The following CNTN3 variants were observed in gnomAD, a reference collection of about 807,000 sequenced individuals.
The protein encoded by CNTN3 is contactin-3.
CNTN3 carries 60 observed loss-of-function variants against 119.1 expected under a neutral mutation model. The ratio of observed to expected loss-of-function variants is 0.50; its 90% CI spans 0.41 to 0.62. The LOEUF is 0.62. Among genes scored for constraint, CNTN3 ranks in the 20% least tolerant of loss-of-function variants. The probability of loss-of-function intolerance (pLI) is 0.00; values close to 1 mark genes in which losing one functional copy is unlikely to be tolerated. For missense variants in CNTN3, 1,101 were observed against 1,242.4 expected, an observed-to-expected ratio of 0.89 and a Z score of 1.71; for synonymous variants, 450 against 438.7, an observed-to-expected ratio of 1.03 and a Z score of -0.32.
chr3:74,272,086 G>C (rs1377270826), intron 20 of CNTN3, among the ~76,000 whole-genome samples: 1 of 152,180 alleles, frequency 6.6e-6, no homozygotes, highest in Non-Finnish European at 1.5e-5. Flanking sequence ...GTCTAGAGCA[G>C]GGGTGTCCAA....
At chr3:74,290,645 G>A (rs535823862) in intron 19 of CNTN3, among the ~76,000 whole-genome samples, 1 of 152,316 alleles carries the variant, frequency 6.6e-6, no homozygotes, top group South Asian at 2.1e-4. Context: ...CATGGTGAGT[G>A]TGCATGTCAG....
intron 20 of CNTN3, among the ~76,000 whole-genome samples, chr3:74,274,982 T>G (rs1416776359): frequency 1.3e-5 from 2 of 152,112 alleles, no homozygotes. Flanking sequence ...CCAGAAACAC[T>G]GGACACATAT....
chr3:74,303,462 GTGGGTAGATCAT>G lies in CNTN3; in HGVS notation c.1669-667_1669-656del, dbSNP rs568192077. Among the ~76,000 whole-genome samples, 409 of 152,264 alleles carry G rather than the reference GTGGGTAGATCAT, an allele frequency of 2.7e-3. 3 individuals carry two copies. The highest frequency in any genetic ancestry group is 9.3e-3 in the African/African-American group (388 of 41,564). On this transcript the variant is annotated intron_variant, in intron 13 of 22. Coordinates refer to ENST00000263665, the MANE Select transcript of CNTN3 (RefSeq NM_020872.3). ...AATCCCAGCATTTTGGGAGGCTGAG[GTGGGTAGATCAT>G]TTGAGGTCAGGAGTTTGAGACCAGC...
At position 74,517,562 on chromosome 3, in the gene CNTN3, T is replaced by C. The variant is rs545247557; in HGVS notation, c.55+3496A>G. 4.7e-4 allele frequency among the ~76,000 whole-genome samples: 71 copies of C among 151,884 alleles called. 1 individual carries two copies. In the South Asian group the frequency reaches 7.9e-3, roughly 17 times the overall value. ...TATTACGGACCTCAATGTATTTTCT[T>C]CCCCCCTTAAAGCCCTACATTCCAG... On this transcript the variant is annotated intron_variant, in intron 2 of 22. Coordinates refer to ENST00000263665, the MANE Select transcript of CNTN3 (RefSeq NM_020872.3).
chr3:74,564,033 C>A (rs1279674320), intron 1 of CNTN3, among the ~76,000 whole-genome samples: 1 of 152,068 alleles, frequency 6.6e-6, no homozygotes, highest in Non-Finnish European at 1.5e-5. Context: ...TCCCTGCTCG[C>A]TGATGATGTT....
chr3:74,597,295 C>T (rs1305852843), intron 1 of CNTN3, among the ~76,000 whole-genome samples: 11 of 151,924 alleles, frequency 7.2e-5, no homozygotes, highest in Non-Finnish European at 1.6e-4. Context: ...TAAACCTTTT[C>T]ACATGATTTA....
At chr3:74,278,331 G>A (rs1375451851) in intron 20 of CNTN3, among the ~76,000 whole-genome samples, 1 of 152,042 alleles carries the variant, frequency 6.6e-6, no homozygotes, top group East Asian at 1.9e-4. Context: ...CAAATCTAGA[G>A]GCATCACATT....
intron 5 of CNTN3, among the ~76,000 whole-genome samples, chr3:74,405,107 G>A (rs563631875): frequency 1.8e-4 from 27 of 152,010 alleles, no homozygotes; most frequent in African/African-American, 6.3e-4. Context: ...GTCATAGTTG[G>A]TAAAGTGTGT....
chr3:74,327,291 G>A (rs948962965), intron 13 of CNTN3, among the ~76,000 whole-genome samples: 4 of 151,660 alleles, frequency 2.6e-5, no homozygotes, highest in African/African-American at 9.7e-5. Flanking sequence ...ACCACGCCTG[G>A]CTAATTTTTG....
intron 4 of CNTN3, among the ~76,000 whole-genome samples, chr3:74,459,803 A>G (rs1266735923): frequency 6.6e-6 from 1 of 151,984 alleles, no homozygotes; most frequent in Non-Finnish European, 1.5e-5. Context: ...CCTTTAATTC[A>G]CTTTCATAAA....
intron 11 of CNTN3, among the ~76,000 whole-genome samples, chr3:74,338,493 T>TGC (rs1553646727): frequency 3.7e-5 from 2 of 53,852 alleles, no homozygotes; most frequent in Non-Finnish European, 6.2e-5. Context: ...TGTACACACG[T>TGC]GCGTGTGTGT....
At chr3:74,537,210 G>A (rs759177782) in intron 1 of CNTN3, among the ~76,000 whole-genome samples, 5 of 151,962 alleles carry the variant, frequency 3.3e-5, no homozygotes, top group Admixed American at 6.6e-5. Context: ...CCATTTCCAC[G>A]TGCATCCTCA....
At chr3:74,608,968 G>A (rs1705036799) in intron 1 of CNTN3, among the ~76,000 whole-genome samples, 1 of 152,172 alleles carries the variant, frequency 6.6e-6, no homozygotes, top group Non-Finnish European at 1.5e-5. Flanking sequence ...GCTAGGTTGG[G>A]TATCACCTTG....
chr3:74,539,916 A>G (rs1279557637), intron 1 of CNTN3, among the ~76,000 whole-genome samples: 3 of 152,182 alleles, frequency 2.0e-5, no homozygotes, highest in Admixed American at 6.5e-5. Flanking sequence ...AAGAGGTGAC[A>G]GAAGGACCCA....
intron 1 of CNTN3, among the ~76,000 whole-genome samples, chr3:74,580,719 T>G (rs1439866568): frequency 1.3e-5 from 2 of 152,106 alleles, no homozygotes; most frequent in Non-Finnish European, 2.9e-5. Flanking sequence ...ATGAACTGCT[T>G]CAATATGATA....
chr3:74,398,293 C>A (rs1705105811), intron 5 of CNTN3, among the ~76,000 whole-genome samples: 1 of 152,164 alleles, frequency 6.6e-6, no homozygotes, highest in Non-Finnish European at 1.5e-5. Context: ...CACAATCACC[C>A]CAACCTTCCG....
At chr3:74,334,647 G>A in intron 13 of CNTN3, 88 bp downstream of exon 13, 1 of 1,158,380 alleles carries the variant, frequency 8.6e-7, no homozygotes, top group Non-Finnish European at 1.2e-6. Context: ...CATTTCTAGA[G>A]CATTGTCTAT....
At chr3:74,486,859 T>C (rs1457764520) in intron 3 of CNTN3, among the ~76,000 whole-genome samples, 1 of 152,200 alleles carries the variant, frequency 6.6e-6, no homozygotes, top group African/African-American at 2.4e-5. Context: ...TTAAAGTTTT[T>C]AAAGGTTTCT....
At chr3:74,566,531 C>T (rs1185823037) in intron 1 of CNTN3, among the ~76,000 whole-genome samples, 1 of 152,132 alleles carries the variant, frequency 6.6e-6, no homozygotes, top group Non-Finnish European at 1.5e-5. Context: ...GGATTCTGTG[C>T]CTCCTTTGGC....
Sources: allele counts gnomAD v4.1 joint callset (sites outside exome capture counted in the v4.1 genomes callset), GRCh38; gene constraint gnomAD v4.1.1; transcripts MANE v1.5; gene names NCBI Gene and HGNC (gene_info 2026-07-23, HGNC 2026-07-21).